ERC2: variants seen among roughly 807,000 people sequenced by gnomAD.
ERC2 encodes the protein ELKS/RAB6-interacting/CAST family member 2, also known as ERC protein 2.
In ERC2, 42 loss-of-function variants were observed where a neutral mutation model predicts 114.8. The ratio of observed to expected loss-of-function variants is 0.37; its 90% CI spans 0.29 to 0.47. The LOEUF (loss-of-function observed/expected upper bound fraction) is 0.47, where lower values mean the gene tolerates loss of function less well. ERC2 is among the 20% of genes least tolerant of loss of function. The pLI, the probability that ERC2 is intolerant of heterozygous loss-of-function variation, is 0.99. For synonymous variants in ERC2, 454 were observed against 425.5 expected (o/e 1.07, Z -0.82); for missense variants, 939 against 1,150.7 (o/e 0.82, Z 2.66).
At chr3:55,870,005 A>AT (rs2062506153) in intron 14 of ERC2, among the ~76,000 whole-genome samples, 1 of 152,202 alleles carries the variant, frequency 6.6e-6, no homozygotes, top group Non-Finnish European at 1.5e-5. Context: ...CAGTGGCCTC[A>AT]AAAAGCAAAT....
At chr3:56,023,414 T>A (rs2073846569) in intron 7 of ERC2, among the ~76,000 whole-genome samples, 1 of 152,116 alleles carries the variant, frequency 6.6e-6, no homozygotes, top group South Asian at 2.1e-4. Flanking sequence ...CTAGTGCTAT[T>A]CCCTAGCACG....
At chr3:56,020,644 T>C (rs1161758984) in intron 7 of ERC2, among the ~76,000 whole-genome samples, 1 of 152,180 alleles carries the variant, frequency 6.6e-6, no homozygotes, top group African/African-American at 2.4e-5. Context: ...GGAAACAGTG[T>C]ATGTTATTAC....
intron 7 of ERC2, among the ~76,000 whole-genome samples, chr3:56,051,028 C>G (rs2149684363): frequency 6.6e-6 from 1 of 152,130 alleles, no homozygotes; most frequent in East Asian, 1.9e-4. Flanking sequence ...CATTCCCCAC[C>G]CATTCCCTGA....
intron 2 of ERC2, among the ~76,000 whole-genome samples, chr3:56,384,158 G>T (rs1390475830): frequency 6.6e-6 from 1 of 152,110 alleles, no homozygotes; most frequent in Non-Finnish European, 1.5e-5. Flanking sequence ...ATGCTGCTAT[G>T]AACATGGGTG....
intron 14 of ERC2, among the ~76,000 whole-genome samples, chr3:55,735,237 T>A (rs116112626): frequency 4.6e-5 from 7 of 152,348 alleles, no homozygotes; most frequent in South Asian, 2.1e-4. Context: ...TATTCATCTA[T>A]CCATCCATCA....
chr3:55,527,729 A>G (rs992179945), intron 17 of ERC2, among the ~76,000 whole-genome samples: 1 of 152,234 alleles, frequency 6.6e-6, no homozygotes, highest in Non-Finnish European at 1.5e-5. Flanking sequence ...TGAATGAATG[A>G]GAAACTCAAT....
chr3:56,098,795 T>C (rs1001428202), intron 6 of ERC2, among the ~76,000 whole-genome samples: 14 of 152,190 alleles, frequency 9.2e-5, no homozygotes, highest in Admixed American at 5.9e-4. Context: ...TGGGGAGCCA[T>C]GGCATGCCTA....
At chr3:55,514,541 A>C (rs1336970185) in intron 17 of ERC2, among the ~76,000 whole-genome samples, 1 of 152,202 alleles carries the variant, frequency 6.6e-6, no homozygotes, top group East Asian at 1.9e-4. Flanking sequence ...GCTGTAGCAG[A>C]AGAGAAAGTT....
intron 8 of ERC2, among the ~76,000 whole-genome samples, chr3:56,017,436 G>A (rs1474284677): frequency 6.6e-6 from 1 of 152,086 alleles, no homozygotes; most frequent in African/African-American, 2.4e-5. Flanking sequence ...ATGTAAGTCA[G>A]AAGGAAACCC....
At chr3:56,376,155 G>A (rs1342988086) in intron 2 of ERC2, among the ~76,000 whole-genome samples, 1 of 152,176 alleles carries the variant, frequency 6.6e-6, no homozygotes, top group Non-Finnish European at 1.5e-5. Flanking sequence ...CAGATTGCTG[G>A]CCCACAGAAA....
intron 13 of ERC2, among the ~76,000 whole-genome samples, chr3:55,923,816 C>G (rs2065584433): frequency 6.6e-6 from 1 of 152,128 alleles, no homozygotes; most frequent in Non-Finnish European, 1.5e-5. Flanking sequence ...CCAGCCCTGA[C>G]AGACATCACT....
intron 3 of ERC2, among the ~76,000 whole-genome samples, chr3:56,287,224 A>T (rs1489029600): frequency 1.3e-5 from 2 of 152,244 alleles, no homozygotes; most frequent in African/African-American, 4.8e-5. Context: ...AAAGAAACAC[A>T]AAATACTCAA....
intron 17 of ERC2, among the ~76,000 whole-genome samples, chr3:55,593,354 G>A (rs867649164): frequency 6.6e-6 from 1 of 152,126 alleles, no homozygotes; most frequent in Non-Finnish European, 1.5e-5. Context: ...GGGATTCCAG[G>A]GTGCATAAGG....
chr3:56,276,028 C>T (rs1022234843), intron 3 of ERC2, among the ~76,000 whole-genome samples: 1 of 152,178 alleles, frequency 6.6e-6, no homozygotes. Flanking sequence ...GATTTGCAAA[C>T]TTGCACTGGA....
chr3:55,772,079 T>C (rs1384289968), intron 14 of ERC2, among the ~76,000 whole-genome samples: 2 of 108,860 alleles, frequency 1.8e-5, no homozygotes, highest in Non-Finnish European at 4.2e-5. Flanking sequence ...GCCCAAAGGT[T>C]AGTATGGTAC....
intron 2 of ERC2, among the ~76,000 whole-genome samples, chr3:56,326,275 C>A (rs1034333209): frequency 2.0e-5 from 3 of 152,158 alleles, no homozygotes; most frequent in East Asian, 3.9e-4. Flanking sequence ...AGGAAGAGTG[C>A]GGAAAGCAGA....
At chr3:56,164,828 C>T (rs1258317681) in intron 4 of ERC2, among the ~76,000 whole-genome samples, 1 of 152,050 alleles carries the variant, frequency 6.6e-6, no homozygotes, top group African/African-American at 2.4e-5. Flanking sequence ...TTTTGATTGG[C>T]ATTTCCCTAA....
chr3:56,264,969 T>G (rs972243303), intron 3 of ERC2, among the ~76,000 whole-genome samples: 1 of 152,100 alleles, frequency 6.6e-6, no homozygotes, highest in East Asian at 1.9e-4. Flanking sequence ...CACAAATAAA[T>G]GGTAAGACAT....
intron 17 of ERC2, among the ~76,000 whole-genome samples, chr3:55,603,563 A>C (rs1465618139): frequency 1.3e-5 from 2 of 150,704 alleles, no homozygotes; most frequent in Non-Finnish European, 2.9e-5. Context: ...ACCCCATCTT[A>C]CTGCAAGCAG....
Sources: allele counts gnomAD v4.1 joint callset (sites outside exome capture counted in the v4.1 genomes callset), GRCh38; gene constraint gnomAD v4.1.1; transcripts MANE v1.5; gene names NCBI Gene and HGNC (gene_info 2026-07-23, HGNC 2026-07-21).